The following ADCK1 variants were observed in gnomAD, a reference collection of about 807,000 sequenced individuals.
The protein encoded by ADCK1 is aarF domain containing kinase 1.
Under a neutral mutation model 52.3 loss-of-function variants are expected in ADCK1, and 41 were observed. The observed-to-expected ratio is 0.78, with a 90% CI of 0.61 to 1.02. ADCK1 has a LOEUF of 1.02. Ranked by LOEUF, ADCK1 falls within the 50% of genes least tolerant of loss-of-function variation. The pLI, the probability that ADCK1 is intolerant of heterozygous loss-of-function variation, is 0.00. For missense variants in ADCK1, 658 were observed against 679.5 expected (o/e 0.97, Z 0.35); for synonymous variants, 250 against 274.6 (o/e 0.91, Z 0.89).
chr14:77,885,373 G>A (rs1270249102), intron 4 of ADCK1, among the ~76,000 whole-genome samples: 2 of 152,220 alleles, frequency 1.3e-5, no homozygotes, highest in African/African-American at 2.4e-5. Context: ...CCAGGATGAA[G>A]GGGGCCAGGG....
rs1393753220 is a variant in ADCK1 at position 77,933,386 on chromosome 14, C to T, written c.1567C>T (p.Leu523Phe). The change falls in exon 11 of 11, where the codon CTC becomes TTC. Residue 523 changes from leucine to phenylalanine, a missense_variant. Transcript: ENST00000238561. ...ALICWLFPAP[L>F] ...AATATGCTGGCTGTTCCCTGCTCCA[C>T]TCTGAGTGGAATTGCTCTCCCTGCC... is the stretch of plus-strand genomic sequence containing the variant. The T allele has an allele frequency of 4.3e-6, 7 of 1,613,968 alleles. No individual in the cohort carries two copies. Among genetic ancestry groups the T allele is most frequent in the Middle Eastern group, 1.7e-4 (1 of 5,984 alleles).
chr14:77,886,018 A>C (rs1009938843), intron 4 of ADCK1, among the ~76,000 whole-genome samples: 4 of 152,196 alleles, frequency 2.6e-5, no homozygotes, highest in Non-Finnish European at 5.9e-5. Flanking sequence ...AAGAGTGAGG[A>C]GTATATTTTC....
At chr14:77,822,401 G>T (rs143282595) in intron 2 of ADCK1, 34 bp from the exon 3 acceptor site, 1 of 1,556,588 alleles carries the variant, frequency 6.4e-7, no homozygotes, top group Admixed American at 1.7e-5. Context: ...TAATGTCCAG[G>T]TGCTAAGCTT....
At position 77,925,094 on chromosome 14, in the gene ADCK1, T is replaced by C. The variant is rs573389170; in HGVS notation, c.1008+488T>C. Among the ~76,000 whole-genome samples, 8 of 152,308 alleles carry C rather than the reference T, an allele frequency of 5.3e-5. No individual in the cohort carries two copies. The East Asian group carries it at 1.5e-3, about 29-fold the overall frequency. ...GAGCCAGGAGCTCCTACTTGGAAGA[T>C]GGGAAGTTCACTGCCAATCTGGGCC... On this transcript the variant is annotated intron_variant, in intron 8 of 10. Coordinates refer to ENST00000238561, the MANE Select transcript of ADCK1 (RefSeq NM_020421.4).
intron 3 of ADCK1, among the ~76,000 whole-genome samples, chr14:77,851,242 C>T (rs1039361189): frequency 3.3e-5 from 5 of 151,720 alleles, no homozygotes; most frequent in Non-Finnish European, 7.4e-5. Flanking sequence ...CTCAGCTTCC[C>T]GAGTAGCTGG....
intron 9 of ADCK1, among the ~76,000 whole-genome samples, chr14:77,928,224 G>A (rs1009952894): frequency 4.6e-5 from 7 of 152,098 alleles, no homozygotes; most frequent in African/African-American, 7.2e-5. Context: ...ACTTCCTGTC[G>A]TAGGGAAGAC....
intron 3 of ADCK1, among the ~76,000 whole-genome samples, chr14:77,826,779 C>T (rs1228192015): frequency 3.3e-5 from 5 of 152,088 alleles, no homozygotes; most frequent in African/African-American, 7.2e-5. Flanking sequence ...TCTGGGGAGC[C>T]GCTGTATTGA....
At chr14:77,876,739 T>C (rs1258459785) in intron 4 of ADCK1, among the ~76,000 whole-genome samples, 2 of 152,216 alleles carry the variant, frequency 1.3e-5, no homozygotes, top group Non-Finnish European at 2.9e-5. Flanking sequence ...CTCTGCTTGC[T>C]GAACTGAGCC....
chr14:77,889,886 T>TTAA (rs373038261), intron 5 of ADCK1, among the ~76,000 whole-genome samples: 4 of 123,232 alleles, frequency 3.2e-5, no homozygotes, highest in African/African-American at 9.1e-5. Context: ...TATATAGAGT[T>TTAA]AAAAAAAAAA....
At chr14:77,806,084 G>A (rs1043120399) in intron 1 of ADCK1, among the ~76,000 whole-genome samples, 1 of 150,572 alleles carries the variant, frequency 6.6e-6, no homozygotes, top group African/African-American at 2.4e-5. Flanking sequence ...GCTGAGGTGG[G>A]CGGATTGCTC....
intron 4 of ADCK1, among the ~76,000 whole-genome samples, chr14:77,880,621 G>A (rs116565395): frequency 0.011 from 1,731 of 152,294 alleles, 31 homozygotes; most frequent in African/African-American, 0.04. Flanking sequence ...GGAGTGAGGA[G>A]GGAGAGAGAC....
chr14:77,888,954 G>A (rs571235923), intron 5 of ADCK1, among the ~76,000 whole-genome samples: 1 of 152,154 alleles, frequency 6.6e-6, no homozygotes, highest in Non-Finnish European at 1.5e-5. Context: ...CATGTTGTGG[G>A]GGGGGACCTG....
intron 3 of ADCK1, among the ~76,000 whole-genome samples, chr14:77,848,383 G>A (rs1453828743): frequency 6.6e-6 from 1 of 152,232 alleles, no homozygotes; most frequent in East Asian, 1.9e-4. Flanking sequence ...TCCGTGCAAT[G>A]AGGAGAATGA....
chr14:77,882,017 C>T (rs985184207), intron 4 of ADCK1, among the ~76,000 whole-genome samples: 2 of 152,010 alleles, frequency 1.3e-5, no homozygotes, highest in Non-Finnish European at 2.9e-5. Flanking sequence ...GGAAGTGGTA[C>T]GGGGAGAACT....
At chr14:77,915,947 G>C (rs1039035857) in intron 7 of ADCK1, among the ~76,000 whole-genome samples, 1 of 152,142 alleles carries the variant, frequency 6.6e-6, no homozygotes, top group Non-Finnish European at 1.5e-5. Context: ...CGCTTGGTAC[G>C]GTGCCAGGCC....
intron 3 of ADCK1, among the ~76,000 whole-genome samples, chr14:77,852,660 A>T (rs8006952): frequency 0.035 from 1,061 of 30,716 alleles, 6 homozygotes; most frequent in Non-Finnish European, 0.047. Context: ...TAAATAAATA[A>T]ATATATATAT....
intron 3 of ADCK1, among the ~76,000 whole-genome samples, chr14:77,855,816 T>A (rs541715030): frequency 6.6e-6 from 1 of 151,224 alleles, no homozygotes; most frequent in East Asian, 1.9e-4. Flanking sequence ...CTGAAAAAAG[T>A]AATCAGCTGG....
intron 9 of ADCK1, among the ~76,000 whole-genome samples, chr14:77,926,666 A>T (rs547026678): frequency 6.6e-6 from 1 of 152,214 alleles, no homozygotes; most frequent in South Asian, 2.1e-4. Flanking sequence ...TTTTTAGTAG[A>T]GGTGGGGTTT....
chr14:77,865,108 C>T (rs1195584746), intron 4 of ADCK1, among the ~76,000 whole-genome samples: 1 of 150,504 alleles, frequency 6.6e-6, no homozygotes, highest in East Asian at 1.9e-4. Context: ...ATAGGGAGAC[C>T]CCATCTCTGT....
Sources: gnomAD v4.1 joint callset for allele counts (sites outside exome capture counted in the v4.1 genomes callset) on GRCh38, gnomAD v4.1.1 for gene constraint, MANE v1.5 for transcripts, NCBI Gene and HGNC (gene_info 2026-07-23, HGNC 2026-07-21) for gene names.